Variants in COL19A1 observed in about 807,000 individuals in gnomAD.
COL19A1 encodes the protein collagen type XIX alpha 1 chain.
Under a neutral mutation model 190.2 loss-of-function variants are expected in COL19A1, and 159 were observed. That is an observed-to-expected ratio of 0.84 (90% CI 0.73 to 0.95). The LOEUF (loss-of-function observed/expected upper bound fraction) is 0.95. Among genes scored for constraint, COL19A1 ranks in the 40% least tolerant of loss-of-function variants. The pLI is 0.00. For missense variants in COL19A1, 1,418 were observed against 1,431.9 expected (o/e 0.99, Z 0.16); for synonymous variants, 509 against 458.9 (o/e 1.11, Z -1.39).
chr6:69,889,287 A>G (rs1415309219), intron 2 of COL19A1, among the ~76,000 whole-genome samples: 1 of 152,274 alleles, frequency 6.6e-6, no homozygotes, highest in Admixed American at 6.5e-5. Context: ...AATTTCATGT[A>G]TGATAATTCT....
chr6:70,128,710 G>T (rs1391013554), intron 17 of COL19A1, among the ~76,000 whole-genome samples: 4 of 152,212 alleles, frequency 2.6e-5, no homozygotes, highest in Non-Finnish European at 5.9e-5. Flanking sequence ...GGTAGACTTA[G>T]TCTGAGCTCA....
chr6:70,161,779 C>A, intron 34 of COL19A1, 121 bp from the exon 35 acceptor site: 1 of 602,642 alleles, frequency 1.7e-6, no homozygotes, highest in Non-Finnish European at 2.7e-6. Flanking sequence ...ATATGACAAA[C>A]ATTATGTTTC....
In COL19A1 at chr6:70,212,413, A is replaced by T. The variant is rs1049665292; in HGVS notation, c.*5139A>T. On this transcript the variant is annotated 3_prime_UTR_variant, in exon 51 of 51. Coordinates refer to ENST00000620364, the MANE Select transcript of COL19A1 (RefSeq NM_001858.6). ...CTTGATTCCTACATGTTCATTATGC[A>T]TAATGAGCTTGTCACCTATCTCAGC... Among the ~76,000 whole-genome samples, 4 of 152,210 alleles carry T rather than the reference A, an allele frequency of 2.6e-5. No individual in the cohort carries two copies. Among genetic ancestry groups the T allele is most frequent in the Admixed American group, 2.6e-4 (4 of 15,276 alleles).
chr6:69,921,737 GATTCGTATATGTAT>G lies in COL19A1; in HGVS notation c.267-6163_267-6150del. Among the ~76,000 whole-genome samples the G allele has an allele frequency of 1.5e-5, 2 of 130,184 alleles. 1 individual carries two copies. Among genetic ancestry groups the G allele is most frequent in the South Asian group, 5.0e-4 (2 of 3,972 alleles). 85.4% of individuals were successfully genotyped at this position (130,184 alleles called of 152,430 possible). On this transcript the variant is annotated intron_variant, in intron 4 of 50. Transcript: ENST00000620364. ...GTAGATTCGTATATATTCGTATGTAGATTCGTATATGTATATTCGTATGTAGATTCGTATATGTA... is the reference window on the plus strand; with the variant it reads ...GTAGATTCGTATATATTCGTATGTAGATTCGTATGTAGATTCGTATATGTA...
intron 9 of COL19A1, among the ~76,000 whole-genome samples, chr6:69,958,825 G>T (rs1182960829): frequency 6.6e-6 from 1 of 152,066 alleles, no homozygotes; most frequent in East Asian, 1.9e-4. Context: ...AATTTCCTTA[G>T]ATTTAGACAG....
At chr6:69,946,306 A>T (rs1773793381) in intron 9 of COL19A1, among the ~76,000 whole-genome samples, 1 of 152,076 alleles carries the variant, frequency 6.6e-6, no homozygotes, top group Non-Finnish European at 1.5e-5. Flanking sequence ...TATTTTTAAA[A>T]ATTATGAACA....
chr6:69,963,713 G>T (rs1376062878), intron 11 of COL19A1, among the ~76,000 whole-genome samples: 1 of 152,166 alleles, frequency 6.6e-6, no homozygotes, highest in African/African-American at 2.4e-5. Context: ...AATGGCAGAT[G>T]CCAGCCCACT....
At chr6:69,956,385 A>G (rs1316928623) in intron 9 of COL19A1, among the ~76,000 whole-genome samples, 2 of 151,978 alleles carry the variant, frequency 1.3e-5, no homozygotes, top group Admixed American at 6.6e-5. Context: ...ATTCTTTGCT[A>G]TATATATATT....
At chr6:69,925,910 T>A (rs890440289) in intron 4 of COL19A1, among the ~76,000 whole-genome samples, 13 of 152,222 alleles carry the variant, frequency 8.5e-5, no homozygotes, top group Non-Finnish European at 1.5e-4. Context: ...TGTATAAGAA[T>A]GCTTGTGATT....
intron 36 of COL19A1, among the ~76,000 whole-genome samples, chr6:70,164,949 C>T (rs560111670): frequency 5.3e-5 from 8 of 152,192 alleles, no homozygotes; most frequent in South Asian, 4.1e-4. Flanking sequence ...ATGATACTTT[C>T]GTTACAAAAA....
chr6:69,933,309 G>A (rs796755882), intron 7 of COL19A1, among the ~76,000 whole-genome samples: 8 of 152,174 alleles, frequency 5.3e-5, no homozygotes, highest in African/African-American at 1.7e-4. Context: ...TTTACCTCGT[G>A]TCTGGGATAT....
chr6:70,093,392 G>T (rs191173172), intron 15 of COL19A1, among the ~76,000 whole-genome samples: 1 of 152,220 alleles, frequency 6.6e-6, no homozygotes, highest in East Asian at 1.9e-4. Flanking sequence ...GACCAATGAA[G>T]TGGCTTGGCA....
In COL19A1 at chr6:70,199,711, G is replaced by A. The variant is rs1360872210; in HGVS notation, c.3198G>A (p.Gly1066=). 1.2e-6 allele frequency: 2 copies of A among 1,610,686 alleles called. No homozygotes were observed. Among genetic ancestry groups the A allele is most frequent in the African/African-American group, 1.3e-5 (1 of 74,996 alleles). ...CACCAGGGAAGGATGGGTTGCCTGG[G>A]CCACCAGGAGACCCTGGACCCCAAG... ...PGPPGKDGLP[G]PPGDPGPQGY... is the part of the protein sequence containing the mutation. The change falls in exon 49 of 51, where the codon GGG becomes GGA. Residue 1066 remains glycine, a synonymous_variant. Coordinates refer to ENST00000620364, the MANE Select transcript of COL19A1 (RefSeq NM_001858.6).
At chr6:70,191,452 C>T (rs1421994779) in intron 48 of COL19A1, among the ~76,000 whole-genome samples, 3 of 152,118 alleles carry the variant, frequency 2.0e-5, no homozygotes, top group Non-Finnish European at 2.9e-5. Flanking sequence ...AACTTTGTGT[C>T]ATGCTAAATT....
intron 15 of COL19A1, among the ~76,000 whole-genome samples, chr6:70,087,325 C>T (rs1782646104): frequency 1.3e-5 from 2 of 152,190 alleles, no homozygotes; most frequent in South Asian, 4.2e-4. Flanking sequence ...GTGTGGAAGT[C>T]AGAGAAAGCC....
intron 2 of COL19A1, among the ~76,000 whole-genome samples, chr6:69,895,946 AG>A (rs1175357336): frequency 6.6e-6 from 1 of 152,210 alleles, no homozygotes; most frequent in Non-Finnish European, 1.5e-5. Flanking sequence ...CTTGTCTAAA[AG>A]GGCCATCTAC....
At chr6:70,175,034 A>G (rs1171904404) in intron 41 of COL19A1, among the ~76,000 whole-genome samples, 1 of 152,262 alleles carries the variant, frequency 6.6e-6, no homozygotes, top group Admixed American at 6.5e-5. Context: ...AGACATGCAA[A>G]TATTTCATTG....
chr6:70,209,074 A>G lies in COL19A1; in HGVS notation c.*1800A>G, dbSNP rs1032886868. ...TTTTCTTTCTTGTGCAATACCTACA[A>G]TGGTGCTGTGTTTTAAACTTACACA... is the stretch of plus-strand genomic sequence containing the variant. On this transcript the variant is annotated 3_prime_UTR_variant, in exon 51 of 51. Coordinates refer to ENST00000620364, the MANE Select transcript of COL19A1 (RefSeq NM_001858.6). 2 of 152,308 alleles carry G rather than the reference A, an allele frequency of 1.3e-5. No individual in the cohort carries two copies. The highest frequency in any genetic ancestry group is 2.9e-5 in the Non-Finnish European group (2 of 67,988). 9.4% of individuals were successfully genotyped at this position (152,308 alleles called of 1,614,324 possible).
In COL19A1 at chr6:70,156,323, T is replaced by C; in HGVS notation, c.2192T>C (p.Ile731Thr). ...TCTTCCTCTGTCTTCTAGGGTGATA[T>C]AGGGCCACGGGGTCCTCCAGGAATC... is the stretch of plus-strand genomic sequence containing the variant. ...KYDSMARKGDIGPRGPPGIPG... is the reference protein window; with the variant it reads ...KYDSMARKGDTGPRGPPGIPG... The change falls in exon 33 of 51, where the codon ATA becomes ACA. Residue 731 changes from isoleucine to threonine, a missense_variant. Coordinates refer to ENST00000620364, the MANE Select transcript of COL19A1 (RefSeq NM_001858.6). 3 of 1,613,350 alleles carry C rather than the reference T, an allele frequency of 1.9e-6. 1 individual carries two copies. The South Asian group carries it at 3.3e-5, about 18-fold the overall frequency.
Sources: allele counts gnomAD v4.1 joint callset (sites outside exome capture counted in the v4.1 genomes callset), GRCh38; gene constraint gnomAD v4.1.1; transcripts MANE v1.5; gene names NCBI Gene and HGNC (gene_info 2026-07-23, HGNC 2026-07-21).